ARHGEF28: variants seen among roughly 807,000 people sequenced by gnomAD.
ARHGEF28 encodes Rho guanine nucleotide exchange factor 28.
Under a neutral mutation model 206.6 loss-of-function variants are expected in ARHGEF28, and 152 were observed. The ratio of observed to expected loss-of-function variants is 0.74; its 90% CI spans 0.64 to 0.84. The LOEUF is 0.84. Ranked by LOEUF, ARHGEF28 falls within the 40% of genes least tolerant of loss-of-function variation. The probability of loss-of-function intolerance (pLI) is 0.00; values close to 1 mark genes in which losing one functional copy is unlikely to be tolerated. For synonymous variants in ARHGEF28, 763 were observed against 776.4 expected (o/e 0.98, Z 0.29); for missense variants, 2,028 against 2,073.2 (o/e 0.98, Z 0.42).
intron 2 of ARHGEF28, among the ~76,000 whole-genome samples, chr5:73,699,401 G>A (rs917260914): frequency 7.6e-4 from 116 of 152,114 alleles, no homozygotes; most frequent in African/African-American, 2.6e-3. Context: ...GAAAGAGAGC[G>A]GGGGGAGGGG....
At chr5:73,705,438 T>C (rs1748874411) in intron 2 of ARHGEF28, among the ~76,000 whole-genome samples, 1 of 152,216 alleles carries the variant, frequency 6.6e-6, no homozygotes, top group Non-Finnish European at 1.5e-5. Flanking sequence ...TTTCTGGCTG[T>C]TTTTCTTTTT....
At chr5:73,795,203 C>T in intron 8 of ARHGEF28, 128 bp from the exon 9 acceptor site, 1 of 781,144 alleles carries the variant, frequency 1.3e-6, no homozygotes, top group Non-Finnish European at 2.1e-6. Context: ...TTTCTGTTTA[C>T]ATGTGATGAT....
chr5:73,818,563 C>A (rs1039068077), intron 9 of ARHGEF28, among the ~76,000 whole-genome samples: 1 of 152,098 alleles, frequency 6.6e-6, no homozygotes, highest in Non-Finnish European at 1.5e-5. Flanking sequence ...GGTGACATAA[C>A]CTGCTAAGAT....
intron 31 of ARHGEF28, 66 bp downstream of exon 31, chr5:73,901,350 C>A: frequency 7.2e-7 from 1 of 1,387,544 alleles, no homozygotes; most frequent in Non-Finnish European, 1.0e-6. Context: ...GCCTCAGGTT[C>A]TGGTCTGTCA....
chr5:73,650,971 T>C (rs1420658614), intron 1 of ARHGEF28, among the ~76,000 whole-genome samples: 1 of 152,218 alleles, frequency 6.6e-6, no homozygotes, highest in African/African-American at 2.4e-5. Flanking sequence ...TCCCAACAAC[T>C]AGTGCTTGGA....
chr5:73,769,292 C>A lies in ARHGEF28; in HGVS notation c.476-4563C>A, dbSNP rs76462282. Among the ~76,000 whole-genome samples, 830 of 152,186 alleles carry A rather than the reference C, an allele frequency of 5.5e-3. 9 individuals are homozygous for A. The highest frequency in any genetic ancestry group is 0.015 in the African/African-American group (625 of 41,524). ...CCAATGGACCTCAGGAGTGCAAATA[C>A]CCCTCCTCCTTTCCTAGTCACATTC... On this transcript the variant is annotated intron_variant, in intron 4 of 35. Coordinates refer to ENST00000513042, the MANE Select transcript of ARHGEF28 (RefSeq NM_001177693.2).
chr5:73,932,121 T>C (rs890256995), intron 35 of ARHGEF28, among the ~76,000 whole-genome samples: 2 of 152,198 alleles, frequency 1.3e-5, no homozygotes, highest in Non-Finnish European at 2.9e-5. Flanking sequence ...TTATCAGTAT[T>C]GAGAAGTGGC....
chr5:73,777,720 G>A (rs972088666), intron 6 of ARHGEF28, among the ~76,000 whole-genome samples: 13 of 152,078 alleles, frequency 8.5e-5, no homozygotes, highest in Admixed American at 6.6e-4. Context: ...CTGACATACA[G>A]CATCACATCC....
chr5:73,912,532 T>C (rs1215345178), intron 35 of ARHGEF28, among the ~76,000 whole-genome samples: 2 of 152,264 alleles, frequency 1.3e-5, no homozygotes, highest in Non-Finnish European at 2.9e-5. Flanking sequence ...ATACTGCTTA[T>C]AAGTTGATTT....
intron 16 of ARHGEF28, among the ~76,000 whole-genome samples, chr5:73,864,264 C>G (rs1408743441): frequency 1.3e-5 from 2 of 152,130 alleles, no homozygotes; most frequent in Non-Finnish European, 2.9e-5. Flanking sequence ...ATGACATGTG[C>G]CCATTGTTTA....
At chr5:73,760,890 T>G (rs1752567187) in intron 4 of ARHGEF28, among the ~76,000 whole-genome samples, 1 of 152,218 alleles carries the variant, frequency 6.6e-6, no homozygotes, top group Non-Finnish European at 1.5e-5. Context: ...GCAGCTTAAC[T>G]CTTCCTTAAA....
At chr5:73,640,501 A>G (rs566724951) in intron 1 of ARHGEF28, among the ~76,000 whole-genome samples, 8 of 152,304 alleles carry the variant, frequency 5.3e-5, no homozygotes, top group Non-Finnish European at 8.8e-5. Flanking sequence ...TTTCTTCTGT[A>G]TTATTAATGT....
chr5:73,656,753 G>A (rs541569552), intron 1 of ARHGEF28, among the ~76,000 whole-genome samples: 5 of 152,242 alleles, frequency 3.3e-5, no homozygotes, highest in South Asian at 2.1e-4. Flanking sequence ...AAAAGTCAAC[G>A]TCCTTAGGAG....
Position 73,626,335 on chromosome 5 carries a change from T to TGA in ARHGEF28, c.-12+14_-12+15insAG, listed in dbSNP as rs1742995465. 6.6e-6 allele frequency: 1 copy of TGA among 152,168 alleles called. No individual in the cohort carries two copies. The highest frequency in any genetic ancestry group is 1.5e-5 in the Non-Finnish European group (1 of 68,082). 9.4% of individuals were successfully genotyped at this position (152,168 alleles called of 1,614,324 possible). A position where few individuals can be genotyped will look rare whatever the true frequency, so the allele number is the denominator to read the frequency against. On this transcript the variant is annotated intron_variant, in intron 1 of 35. Transcript: ENST00000513042. ...GCCATCGCTCCAGGTAAATGCTCTTTGGGACTCCATCGTCTGCGTTTCCCT... is the reference window on the plus strand; with the variant it reads ...GCCATCGCTCCAGGTAAATGCTCTTTGAGGGACTCCATCGTCTGCGTTTCCCT...
intron 1 of ARHGEF28, among the ~76,000 whole-genome samples, chr5:73,657,172 C>CAAA (rs76970237): frequency 1.2e-4 from 11 of 94,522 alleles, no homozygotes; most frequent in East Asian, 6.2e-4. Context: ...GACTCCGTCC[C>CAAA]AAAAAAAAAA....
chr5:73,716,007 G>T (rs1273839846), intron 2 of ARHGEF28, among the ~76,000 whole-genome samples: 1 of 152,132 alleles, frequency 6.6e-6, no homozygotes, highest in East Asian at 1.9e-4. Flanking sequence ...AGTTTAATTT[G>T]TTACAAAAGG....
chr5:73,754,246 A>G (rs1319077368), intron 4 of ARHGEF28, among the ~76,000 whole-genome samples: 1 of 152,190 alleles, frequency 6.6e-6, no homozygotes, highest in African/African-American at 2.4e-5. Context: ...CAGAATTATA[A>G]AGCCATAAGT....
chr5:73,679,703 A>G (rs1405338264), intron 1 of ARHGEF28, among the ~76,000 whole-genome samples: 1 of 152,242 alleles, frequency 6.6e-6, no homozygotes, highest in Non-Finnish European at 1.5e-5. Context: ...AAAAAAAGAA[A>G]AAGAAAGTAT....
At chr5:73,709,968 C>T (rs1749148820) in intron 2 of ARHGEF28, among the ~76,000 whole-genome samples, 1 of 152,110 alleles carries the variant, frequency 6.6e-6, no homozygotes, top group Non-Finnish European at 1.5e-5. Context: ...TTTGTTTAAC[C>T]ACTCATGTGT....
Sources: gnomAD v4.1 joint callset for allele counts (sites outside exome capture counted in the v4.1 genomes callset) on GRCh38, gnomAD v4.1.1 for gene constraint, MANE v1.5 for transcripts, NCBI Gene and HGNC (gene_info 2026-07-23, HGNC 2026-07-21) for gene names.